Variants in MCPH1 observed in about 807,000 individuals in gnomAD.
MCPH1 encodes microcephalin.
In MCPH1, 104 loss-of-function variants were observed where a neutral mutation model predicts 84.5. The ratio of observed to expected loss-of-function variants is 1.23; its 90% CI spans 1.05 to 1.45. The LOEUF (loss-of-function observed/expected upper bound fraction) is 1.45, where lower values mean the gene tolerates loss of function less well. Ranked by LOEUF, MCPH1 falls within the 40% of genes most tolerant of loss-of-function variation. The pLI is 0.00. For missense variants in MCPH1, 1,498 were observed against 1,005.7 expected (o/e 1.49, Z -6.62); for synonymous variants, 514 against 366.8 (o/e 1.40, Z -4.58).
intron 4 of MCPH1, among the ~76,000 whole-genome samples, chr8:6,432,277 C>T (rs940487232): frequency 2.2e-4 from 34 of 152,320 alleles, no homozygotes; most frequent in African/African-American, 7.5e-4. Context: ...CTCCCATGTA[C>T]TTTAAGTAAT....
chr8:6,524,655 G>A (rs1218041490), intron 12 of MCPH1, among the ~76,000 whole-genome samples: 1 of 152,186 alleles, frequency 6.6e-6, no homozygotes, highest in Non-Finnish European at 1.5e-5. Flanking sequence ...AAAGCATCAT[G>A]AACCATAGTC....
chr8:6,456,525 TGC>T (rs1407197335), intron 9 of MCPH1, among the ~76,000 whole-genome samples: 3 of 152,246 alleles, frequency 2.0e-5, no homozygotes, highest in African/African-American at 7.2e-5. Context: ...CTCCTGCTGA[TGC>T]GTCGCATGGC....
intron 12 of MCPH1, among the ~76,000 whole-genome samples, chr8:6,601,969 T>TAATTCTTTAA (rs1282106084): frequency 1.3e-5 from 2 of 152,246 alleles, no homozygotes; most frequent in African/African-American, 2.4e-5. Context: ...CCATAGTAAT[T>TAATTCTTTAA]AATTCTTTAA....
intron 12 of MCPH1, among the ~76,000 whole-genome samples, chr8:6,596,444 T>C (rs1196311110): frequency 3.3e-5 from 5 of 152,162 alleles, no homozygotes; most frequent in African/African-American, 9.7e-5. Flanking sequence ...TCTGTCAGGA[T>C]AGTTGGCTCC....
intron 8 of MCPH1, chr8:6,445,916 T>C (rs950757298): frequency 7.1e-6 from 7 of 992,026 alleles, no homozygotes; most frequent in African/African-American, 1.7e-5. Flanking sequence ...AGAGAGTTTT[T>C]TAAAACCTAG....
intron 12 of MCPH1, among the ~76,000 whole-genome samples, chr8:6,575,776 A>G (rs1219928016): frequency 6.6e-6 from 1 of 152,216 alleles, no homozygotes; most frequent in Non-Finnish European, 1.5e-5. Flanking sequence ...ATGTGAAGAC[A>G]GATACAGGAG....
chr8:6,477,918 G>A (rs1002844363), intron 10 of MCPH1, among the ~76,000 whole-genome samples: 3 of 152,134 alleles, frequency 2.0e-5, no homozygotes, highest in Non-Finnish European at 2.9e-5. Flanking sequence ...TTCAAGAAGT[G>A]GAACATCATT....
rs763887070 is a variant in MCPH1 at position 6,406,677 on chromosome 8, C to A, written c.10C>A (p.Pro4Thr). MAA[P>T]ILKDVVAYVE... ...GATCCCGCCGTCTGTCATGGCGGCC[C>A]CCATCCTGAAAGGTGAGGTACTTCC... is the stretch of plus-strand genomic sequence containing the variant. The change falls in exon 1 of 14, where the codon CCC (proline) becomes ACC (threonine). Residue 4 changes from proline (P) to threonine (T), a missense_variant. Transcript: ENST00000344683. 2 of 1,612,180 alleles carry A rather than the reference C, an allele frequency of 1.2e-6. No individual in the cohort carries two copies. Among genetic ancestry groups the A allele is most frequent in the Non-Finnish European group, 1.7e-6 (2 of 1,179,554 alleles).
At chr8:6,529,969 T>C (rs971835553) in intron 12 of MCPH1, among the ~76,000 whole-genome samples, 2 of 152,048 alleles carry the variant, frequency 1.3e-5, no homozygotes, top group African/African-American at 4.8e-5. Flanking sequence ...AGGTTTGCAT[T>C]GCTGCTCTGT....
intron 13 of MCPH1, among the ~76,000 whole-genome samples, chr8:6,623,629 C>T (rs1831717460): frequency 8.4e-6 from 1 of 119,380 alleles, no homozygotes; most frequent in Non-Finnish European, 1.6e-5. Flanking sequence ...GTGTGGCAAT[C>T]AAAAGTAATT....
At chr8:6,550,107 C>T (rs1341124148) in intron 12 of MCPH1, among the ~76,000 whole-genome samples, 1 of 152,210 alleles carries the variant, frequency 6.6e-6, no homozygotes, top group East Asian at 1.9e-4. Flanking sequence ...AAAAGAATTA[C>T]ATTTCAATTT....
chr8:6,632,554 A>C (rs1178703147), intron 13 of MCPH1, among the ~76,000 whole-genome samples: 1 of 152,306 alleles, frequency 6.6e-6, no homozygotes, highest in Middle Eastern at 3.4e-3. Flanking sequence ...TCATGCCTGT[A>C]ATCCCAACAC....
intron 13 of MCPH1, among the ~76,000 whole-genome samples, chr8:6,630,985 C>G (rs1479961358): frequency 6.6e-6 from 1 of 152,128 alleles, no homozygotes; most frequent in East Asian, 1.9e-4. Context: ...CCGCTAAAAT[C>G]AGGCAGAAGC....
At chr8:6,544,753 GAGTTAC>G (rs1373198574) in intron 12 of MCPH1, among the ~76,000 whole-genome samples, 1 of 152,174 alleles carries the variant, frequency 6.6e-6, no homozygotes. Flanking sequence ...ACAGCATTTA[GAGTTAC>G]ACTTTGCCAT....
At chr8:6,466,280 G>T (rs1212410675) in intron 9 of MCPH1, among the ~76,000 whole-genome samples, 2 of 151,556 alleles carry the variant, frequency 1.3e-5, no homozygotes, top group South Asian at 2.1e-4. Flanking sequence ...GGTACTAGAG[G>T]CACGTTCCAT....
intron 9 of MCPH1, among the ~76,000 whole-genome samples, chr8:6,456,637 C>G (rs1585879033): frequency 6.7e-6 from 1 of 150,222 alleles, no homozygotes; most frequent in South Asian, 2.1e-4. Flanking sequence ...TATTGGTACT[C>G]TACGTTGTAC....
At chr8:6,641,002 A>G (rs1797903400) in intron 13 of MCPH1, among the ~76,000 whole-genome samples, 1 of 151,704 alleles carries the variant, frequency 6.6e-6, no homozygotes, top group East Asian at 1.9e-4. Context: ...GCTGACCTCT[A>G]TTTTACTGCT....
chr8:6,506,683 A>G (rs1813790834), intron 12 of MCPH1, among the ~76,000 whole-genome samples: 1 of 152,034 alleles, frequency 6.6e-6, no homozygotes, highest in Non-Finnish European at 1.5e-5. Flanking sequence ...CAAAATCAAT[A>G]GGAGGGCTTT....
In MCPH1 at chr8:6,642,985, T is replaced by C. The variant is rs1406864173; in HGVS notation, c.2453-9T>C. 1 of 1,613,648 alleles carries C rather than the reference T, an allele frequency of 6.2e-7. No homozygotes were observed. Reference sequence around the variant, plus strand: ...ATGAATGCTAAACTGCTTTTCGCTCTCTCTCTAGATTCCATCACCCAGCAC... The same window carrying C: ...ATGAATGCTAAACTGCTTTTCGCTCCCTCTCTAGATTCCATCACCCAGCAC... On this transcript the variant is annotated splice_polypyrimidine_tract_variant and intron_variant, in intron 13 of 13. Transcript: ENST00000344683.
Sources: gnomAD v4.1 joint callset for allele counts (sites outside exome capture counted in the v4.1 genomes callset) on GRCh38, gnomAD v4.1.1 for gene constraint, MANE v1.5 for transcripts, NCBI Gene and HGNC (gene_info 2026-07-23, HGNC 2026-07-21) for gene names.